CSMD2: variants seen among roughly 807,000 people sequenced by gnomAD.
The protein encoded by CSMD2 is CUB and sushi domain-containing protein 2.
CSMD2 carries 130 observed loss-of-function variants against 398.5 expected under a neutral mutation model. The observed-to-expected ratio is 0.33, with a 90% CI of 0.28 to 0.38. CSMD2 has a LOEUF of 0.38. Among genes scored for constraint, CSMD2 ranks in the 10% least tolerant of loss-of-function variants. The pLI is 1.00. For missense variants in CSMD2, 3,829 were observed against 4,764.9 expected (o/e 0.80, Z 5.78); for synonymous variants, 1,828 against 1,908.5 (o/e 0.96, Z 1.10).
intron 2 of CSMD2, among the ~76,000 whole-genome samples, chr1:34,036,465 TA>T (rs1651140555): frequency 6.6e-6 from 1 of 152,056 alleles, no homozygotes; most frequent in Admixed American, 6.5e-5. Flanking sequence ...CTAGAGATGA[TA>T]AAATTAAAGA....
chr1:33,753,114 G>T (rs1161912551), intron 13 of CSMD2, among the ~76,000 whole-genome samples: 7 of 152,204 alleles, frequency 4.6e-5, no homozygotes, highest in Non-Finnish European at 8.8e-5. Flanking sequence ...GGTAAAGAAA[G>T]AATCTAAGCA....
chr1:33,739,994 G>A (rs780908471), intron 14 of CSMD2, among the ~76,000 whole-genome samples: 7 of 152,122 alleles, frequency 4.6e-5, no homozygotes, highest in East Asian at 1.9e-4. Context: ...ACATGGTCCT[G>A]GACAACTTAT....
intron 1 of CSMD2, among the ~76,000 whole-genome samples, chr1:34,138,698 T>C (rs1168055066): frequency 6.6e-6 from 1 of 152,246 alleles, no homozygotes; most frequent in Non-Finnish European, 1.5e-5. Flanking sequence ...TTTTAAAGGC[T>C]GTTGATAATA....
In CSMD2 at chr1:33,518,024, G is replaced by A. The variant is rs965615999; in HGVS notation, c.*53+1441C>T. Among the ~76,000 whole-genome samples, 1 of 152,260 alleles carries A rather than the reference G, an allele frequency of 6.6e-6. No individual in the cohort carries two copies. Among genetic ancestry groups the A allele is most frequent in the Non-Finnish European group, 1.5e-5 (1 of 68,050 alleles). The stretch of plus-strand genomic sequence containing the variant: ...CTGCCACGTGAGCGGCCATGCACAG[G>A]AGCGTGGGGAGGGAGCGCAACACTA... On this transcript the variant is annotated intron_variant, in intron 70 of 70. Transcript: ENST00000373381. This position sits in a 1 kb window ranked among gnomAD's most constrained non-coding sequence, Gnocchi z 4.3.
At chr1:33,693,103 G>A (rs1186285358) in intron 24 of CSMD2, 47 bp from the exon 25 acceptor site, 3 of 1,539,464 alleles carry the variant, frequency 1.9e-6, no homozygotes, top group South Asian at 2.5e-5. Context: ...GGCCTGAGCT[G>A]CCAGCAGTCA....
At chr1:34,113,212 A>T (rs1429271242) in intron 1 of CSMD2, 1 of 152,102 alleles carries the variant, frequency 6.6e-6, no homozygotes, top group Non-Finnish European at 1.5e-5. Flanking sequence ...TTCCCAACTG[A>T]ATTCTTAGGA....
At chr1:34,040,708 C>G (rs1465763786) in intron 2 of CSMD2, among the ~76,000 whole-genome samples, 1 of 152,154 alleles carries the variant, frequency 6.6e-6, no homozygotes, top group African/African-American at 2.4e-5. Flanking sequence ...AGTGACATGG[C>G]AAATCCCCTT....
intron 3 of CSMD2, among the ~76,000 whole-genome samples, chr1:33,939,688 C>T (rs528350880): frequency 8.5e-5 from 13 of 152,290 alleles, no homozygotes; most frequent in Admixed American, 3.3e-4. Context: ...ACTTAATGAG[C>T]TGTTCACAAT....
chr1:34,120,741 C>A (rs531295176), intron 1 of CSMD2, among the ~76,000 whole-genome samples: 2 of 152,256 alleles, frequency 1.3e-5, no homozygotes, highest in South Asian at 4.2e-4. Flanking sequence ...GACGGTGTTT[C>A]ACCATGTTGG....
intron 25 of CSMD2, among the ~76,000 whole-genome samples, chr1:33,691,063 T>C (rs890697836): frequency 6.6e-6 from 1 of 152,132 alleles, no homozygotes; most frequent in African/African-American, 2.4e-5. Flanking sequence ...TGTAAGCCTT[T>C]GGAGGGAGGA....
chr1:33,806,807 GACACAGCTGA>G (rs1656284317), intron 10 of CSMD2, among the ~76,000 whole-genome samples: 1 of 152,118 alleles, frequency 6.6e-6, no homozygotes, highest in Non-Finnish European at 1.5e-5. Flanking sequence ...ACAGAGGCTG[GACACAGCTGA>G]ACAGAGAATT....
At chr1:34,008,613 C>T (rs757353130) in intron 3 of CSMD2, among the ~76,000 whole-genome samples, 3 of 152,202 alleles carry the variant, frequency 2.0e-5, no homozygotes, top group Non-Finnish European at 4.4e-5. Flanking sequence ...AATAGGTTCA[C>T]GTTCAAAAAC....
intron 1 of CSMD2, among the ~76,000 whole-genome samples, chr1:34,098,570 G>T (rs910601734): frequency 1.3e-5 from 2 of 151,830 alleles, no homozygotes; most frequent in Non-Finnish European, 2.9e-5. Context: ...ATAGTGTGGG[G>T]GTGGTCCAGG....
chr1:33,611,469 A>G (rs577071414), intron 40 of CSMD2, among the ~76,000 whole-genome samples: 1 of 152,330 alleles, frequency 6.6e-6, no homozygotes, highest in South Asian at 2.1e-4. Flanking sequence ...TCAAAAATAA[A>G]GGCATCAGTC....
At position 33,692,972 on chromosome 1, in the gene CSMD2, T is replaced by C. The variant is rs758445315; in HGVS notation, c.4010A>G (p.Asn1337Ser). 4 of 1,607,726 alleles carry C rather than the reference T, an allele frequency of 2.5e-6. No individual in the cohort carries two copies. Among genetic ancestry groups the C allele is most frequent in the Admixed American group, 3.4e-5 (2 of 59,070 alleles). ...GYPAPYEHNL[N>S]CIWTIEAEAG... is the part of the protein sequence containing the mutation. ...CTCTGCTTCGATGGTCCAGATGCAG[T>C]TGAGATTGTGTTCATAGGGAGCTGG... Residue 1337 changes from asparagine (N) to serine (S), a missense_variant, in exon 25 of 71, where the codon AAC becomes AGC. This residue lies in a region of CSMD2 where 2,001 missense variants were observed against 2,567.1 expected (regional missense o/e 0.78). Transcript: ENST00000373381.
At chr1:33,634,424 G>C (rs1571024258) in intron 31 of CSMD2, among the ~76,000 whole-genome samples, 1 of 152,160 alleles carries the variant, frequency 6.6e-6, no homozygotes, top group Non-Finnish European at 1.5e-5. Flanking sequence ...TGCTCCCTCC[G>C]TCCTGCTCCT....
At chr1:33,618,248 C>T (rs997060483) in intron 37 of CSMD2, among the ~76,000 whole-genome samples, 1 of 152,122 alleles carries the variant, frequency 6.6e-6, no homozygotes, top group East Asian at 1.9e-4. Context: ...CTTCAACTCC[C>T]GTGTTCAGCT....
Position 33,580,833 on chromosome 1 carries a change from G to A in CSMD2, c.7307C>T (p.Thr2436Ile), listed in dbSNP as rs941019140. The change falls in exon 48 of 71, where the codon ACC becomes ATC. Residue 2436 changes from threonine to isoleucine, a missense_variant. Coordinates refer to ENST00000373381, the MANE Select transcript of CSMD2 (RefSeq NM_001281956.2). ...SGNYSAPLIV[T>I]SSSNSVYLRW... ...CAGGTACACAGAGTTGCTTGAGCTG[G>A]TGACAATCAGGGGAGCTGAGTAATT... 6.2e-6 allele frequency: 10 copies of A among 1,614,056 alleles called. No homozygotes were observed. Among genetic ancestry groups the A allele is most frequent in the African/African-American group, 2.7e-5 (2 of 74,928 alleles).
chr1:34,084,498 T>C (rs979102538), intron 2 of CSMD2, among the ~76,000 whole-genome samples: 5 of 152,060 alleles, frequency 3.3e-5, no homozygotes, highest in Non-Finnish European at 7.4e-5. Context: ...AGGGCTAATA[T>C]CCAGAATCTA....
Sources: allele counts gnomAD v4.1 joint callset (sites outside exome capture counted in the v4.1 genomes callset), GRCh38; gene constraint gnomAD v4.1.1; regional missense constraint gnomAD v4.1.1; non-coding constraint Gnocchi (gnomAD v3.1); transcripts MANE v1.5; gene names NCBI Gene and HGNC (gene_info 2026-07-23, HGNC 2026-07-21).